Variants in COQ10B observed in about 807,000 individuals in gnomAD.
COQ10B encodes coenzyme Q10B, also known as coenzyme Q-binding protein COQ10 homolog B, mitochondrial.
COQ10B carries 12 observed loss-of-function variants against 27.6 expected under a neutral mutation model. The observed-to-expected ratio is 0.43, with a 90% CI of 0.28 to 0.70. The LOEUF is 0.70. COQ10B is among the 30% of genes least tolerant of loss of function. COQ10B has a pLI of 0.17. For synonymous variants in COQ10B, 115 were observed against 103.0 expected, an observed-to-expected ratio of 1.12 and a Z score of -0.71; for missense variants, 278 against 288.7, an observed-to-expected ratio of 0.96 and a Z score of 0.27.
At chr2:197,468,382 G>T (rs2106055985) in intron 3 of COQ10B, among the ~76,000 whole-genome samples, 1 of 148,694 alleles carries the variant, frequency 6.7e-6, no homozygotes, top group African/African-American at 2.5e-5. Flanking sequence ...GGCGGAGCTT[G>T]CAGTGAGTCG....
intron 4 of COQ10B, among the ~76,000 whole-genome samples, chr2:197,473,540 G>C (rs1387652891): frequency 7.3e-6 from 1 of 137,790 alleles, no homozygotes; most frequent in East Asian, 2.1e-4. Flanking sequence ...ACACAAATTA[G>C]CCACATGTGG....
chr2:197,472,818 A>AAAAG (rs1559295814), intron 4 of COQ10B, among the ~76,000 whole-genome samples: 4 of 151,398 alleles, frequency 2.6e-5, no homozygotes, highest in African/African-American at 9.7e-5. Context: ...AAAAAAAAAA[A>AAAAG]AAAGAAAGAT....
rs145175790 is a variant in COQ10B, at chr2:197,460,038, T to C, written c.211T>C (p.Leu71=). The C allele has an allele frequency of 7.1e-4, 1,148 of 1,610,872 alleles. 21 individuals are homozygous for C. In the South Asian group the frequency reaches 8.3e-3, roughly 12 times the overall value. ...AACTTTCTTCAAAATCACTGCACCA[T>C]TAATAAACAAAAGGAAAGAATATTC... ...ARTFFKITAP[L]INKRKEYSER... The change falls in exon 2 of 5, where the codon TTA becomes CTA. Residue 71 remains leucine (L), a synonymous_variant. Transcript: ENST00000263960.
chr2:197,458,993 T>A (rs2085729210), intron 1 of COQ10B, among the ~76,000 whole-genome samples: 1 of 152,168 alleles, frequency 6.6e-6, no homozygotes, highest in Non-Finnish European at 1.5e-5. Flanking sequence ...TATGTAATAA[T>A]CTTATTAAGG....
At chr2:197,457,604 TTA>T (rs2106045564) in intron 1 of COQ10B, among the ~76,000 whole-genome samples, 1 of 152,254 alleles carries the variant, frequency 6.6e-6, no homozygotes, top group African/African-American at 2.4e-5. Flanking sequence ...CATATACAGT[TTA>T]TGTGTCTTTT....
At chr2:197,460,840 A>T (rs970631782) in intron 2 of COQ10B, among the ~76,000 whole-genome samples, 1 of 152,222 alleles carries the variant, frequency 6.6e-6, no homozygotes, top group African/African-American at 2.4e-5. Context: ...GATAATATTT[A>T]AATAAACGGG....
intron 3 of COQ10B, among the ~76,000 whole-genome samples, chr2:197,463,287 C>T (rs1452844238): frequency 3.3e-5 from 4 of 121,348 alleles, no homozygotes; most frequent in African/African-American, 8.5e-5. Flanking sequence ...GCCTGACCAA[C>T]ATGGTGAAAC....
Position 197,460,080 on chromosome 2 carries a change from G to A in COQ10B, c.253G>A (p.Gly85Arg). The change falls in exon 2 of 5, where the codon GGA becomes AGA. Residue 85 changes from glycine to arginine, a missense_variant and splice_region_variant. Physicochemically the swap from Gly to Arg is moderately radical, Grantham distance 125. Transcript: ENST00000263960. The stretch of plus-strand genomic sequence containing the variant: ...AGAATATTCAGAGAGAAGAATTTTA[G>A]GGTTCGTATATGATAAGAATTCTAC... ...RKEYSERRIL[G>R]YSMQEMYDVV... 1.2e-6 allele frequency: 2 copies of A among 1,601,550 alleles called. No individual in the cohort carries two copies. The highest frequency in any genetic ancestry group is 1.7e-6 in the Non-Finnish European group (2 of 1,171,336).
intron 2 of COQ10B, among the ~76,000 whole-genome samples, chr2:197,461,082 T>C (rs1361482541): frequency 6.6e-6 from 1 of 152,250 alleles, no homozygotes; most frequent in African/African-American, 2.4e-5. Context: ...TTGTTCTCCC[T>C]ATTTTTCTGT....
At chr2:197,453,943 C>A in intron 1 of COQ10B, 2 of 1,548,732 alleles carry the variant, frequency 1.3e-6, no homozygotes. Flanking sequence ...TGCCTTTGGG[C>A]TCTTCCGGTC....
chr2:197,461,594 TGA>T (rs1302773815), intron 2 of COQ10B, among the ~76,000 whole-genome samples: 2 of 133,372 alleles, frequency 1.5e-5, no homozygotes, highest in South Asian at 2.4e-4. Context: ...TGTGTGTGTG[TGA>T]GGGAGGGAGA....
chr2:197,460,655 T>C (rs1268517880), intron 2 of COQ10B, among the ~76,000 whole-genome samples: 1 of 152,252 alleles, frequency 6.6e-6, no homozygotes, highest in African/African-American at 2.4e-5. Flanking sequence ...TTGGGCCATA[T>C]GTTTACATAG....
intron 1 of COQ10B, 139 bp from the exon 2 acceptor site, chr2:197,459,793 C>T (rs1455285204): frequency 2.0e-6 from 1 of 509,234 alleles, no homozygotes; most frequent in Non-Finnish European, 3.4e-6. Flanking sequence ...TTTTCTGTGC[C>T]CGTGTGTGTG....
chr2:197,459,079 G>A (rs1449759681), intron 1 of COQ10B, among the ~76,000 whole-genome samples: 1 of 152,134 alleles, frequency 6.6e-6, no homozygotes, highest in East Asian at 1.9e-4. Context: ...ATAAGTTTCT[G>A]GTTAACTAGA....
intron 1 of COQ10B, among the ~76,000 whole-genome samples, chr2:197,459,553 G>T (rs1308399510): frequency 6.6e-6 from 1 of 152,184 alleles, no homozygotes; most frequent in Non-Finnish European, 1.5e-5. Context: ...AGTGGATCAA[G>T]AATTAAGAAA....
At chr2:197,464,080 CAT>C (rs199664770) in intron 3 of COQ10B, among the ~76,000 whole-genome samples, 21,302 of 136,448 alleles carry the variant, frequency 0.16, 2,037 homozygotes, top group Middle Eastern at 0.28. Flanking sequence ...CACACACACA[CAT>C]ATATATATAT....
intron 1 of COQ10B, chr2:197,454,106 A>G (rs534463416): frequency 2.6e-6 from 4 of 1,549,698 alleles, no homozygotes; most frequent in East Asian, 2.4e-5. Flanking sequence ...CGTTTTCCCA[A>G]TTTCTGAAAG....
intron 4 of COQ10B, among the ~76,000 whole-genome samples, chr2:197,472,816 A>G (rs1004306894): frequency 6.6e-6 from 1 of 151,400 alleles, no homozygotes; most frequent in South Asian, 2.1e-4. Context: ...AAAAAAAAAA[A>G]AAAAAGAAAG....
In COQ10B at chr2:197,461,627, C is replaced by CAGAGAGAGAG. The variant is rs66918493; in HGVS notation, c.255-883_255-874dup. Among the ~76,000 whole-genome samples the CAGAGAGAGAG allele has an allele frequency of 2.5e-3, 328 of 129,506 alleles. 3 individuals are homozygous for CAGAGAGAGAG. The highest frequency in any genetic ancestry group is 8.6e-3 in the South Asian group (31 of 3,614). The allele number at this position is 129,506 out of a possible 152,430, so 85.0% of individuals were successfully genotyped here. On this transcript the variant is annotated intron_variant, in intron 2 of 4. Transcript: ENST00000263960. ...GGAGAGGGAGAGGTGTACAGGGTCT[C>CAGAGAGAGAG]AGAGAGAGAGAGAGAGAGAGAGAGA...
Sources: allele counts gnomAD v4.1 joint callset (sites outside exome capture counted in the v4.1 genomes callset), GRCh38; gene constraint gnomAD v4.1.1; transcripts MANE v1.5; gene names NCBI Gene and HGNC (gene_info 2026-07-23, HGNC 2026-07-21).